Variants in GSG1L observed in about 807,000 individuals in gnomAD.
GSG1L encodes germ cell-specific gene 1-like protein.
GSG1L carries 24 observed loss-of-function variants against 42.1 expected under a neutral mutation model. That is an observed-to-expected ratio of 0.57 (90% CI 0.41 to 0.80). The LOEUF is 0.80. Among genes scored for constraint, GSG1L ranks in the 30% least tolerant of loss-of-function variants. The pLI, the probability that GSG1L is intolerant of heterozygous loss-of-function variation, is 0.00. For missense variants in GSG1L, 445 were observed against 472.2 expected, an observed-to-expected ratio of 0.94 and a Z score of 0.53; for synonymous variants, 215 against 203.5, an observed-to-expected ratio of 1.06 and a Z score of -0.48.
intron 1 of GSG1L, among the ~76,000 whole-genome samples, chr16:27,994,623 G>A (rs2085493634): frequency 6.6e-6 from 1 of 152,002 alleles, no homozygotes; most frequent in Admixed American, 6.6e-5. Context: ...CTGGCTTTCC[G>A]CTCCCAATTT....
intron 2 of GSG1L, among the ~76,000 whole-genome samples, chr16:27,904,931 G>A (rs527389171): frequency 6.6e-6 from 1 of 152,300 alleles, no homozygotes; most frequent in South Asian, 2.1e-4. Context: ...AGCCGCAGCC[G>A]ACAGGTGGGA....
intron 2 of GSG1L, among the ~76,000 whole-genome samples, chr16:27,888,946 A>ATAGATATAGATATAGATATAGATG: frequency 6.7e-6 from 1 of 150,260 alleles, no homozygotes; most frequent in Non-Finnish European, 1.5e-5. Context: ...AGATATAGAT[A>ATAGATATAGATATAGATATAGATG]TAGATATAGA....
chr16:27,826,488 G>T (rs570549942), intron 5 of GSG1L, among the ~76,000 whole-genome samples: 1 of 152,280 alleles, frequency 6.6e-6, no homozygotes, highest in South Asian at 2.1e-4. Context: ...CCAGAAGTAG[G>T]CCCTGTGATA....
At chr16:27,975,841 A>G (rs1376852809) in intron 1 of GSG1L, among the ~76,000 whole-genome samples, 5 of 152,240 alleles carry the variant, frequency 3.3e-5, no homozygotes, top group African/African-American at 1.2e-4. Context: ...TCCTGGTTTT[A>G]GGTGCTGGAG....
chr16:27,810,727 G>A (rs35358487), intron 5 of GSG1L, among the ~76,000 whole-genome samples: 22,675 of 150,692 alleles, frequency 0.15, 1,936 homozygotes, highest in Middle Eastern at 0.21. Context: ...TCACTCTGTT[G>A]TCCAGGCTGG....
intron 1 of GSG1L, among the ~76,000 whole-genome samples, chr16:28,033,406 G>T (rs2085989929): frequency 6.6e-6 from 1 of 152,196 alleles, no homozygotes; most frequent in East Asian, 1.9e-4. Flanking sequence ...GTTGCCCCTG[G>T]GAGGGAAGTG....
intron 2 of GSG1L, among the ~76,000 whole-genome samples, chr16:27,927,740 G>T (rs989384805): frequency 6.6e-6 from 1 of 152,078 alleles, no homozygotes; most frequent in Non-Finnish European, 1.5e-5. Context: ...AAGTTCATTC[G>T]CCACACACAG....
intron 4 of GSG1L, among the ~76,000 whole-genome samples, chr16:27,838,167 C>T (rs1200662701): frequency 6.6e-6 from 1 of 152,260 alleles, no homozygotes; most frequent in East Asian, 1.9e-4. Flanking sequence ...GTTCACTTCA[C>T]TACTATCCCT....
intron 2 of GSG1L, among the ~76,000 whole-genome samples, chr16:27,918,811 T>A (rs558409792): frequency 6.6e-6 from 1 of 152,164 alleles, no homozygotes; most frequent in Non-Finnish European, 1.5e-5. Context: ...TTATCCTTGG[T>A]CTGGTGCTCT....
At chr16:28,058,708 A>C (rs1445007812) in intron 1 of GSG1L, among the ~76,000 whole-genome samples, 1 of 152,042 alleles carries the variant, frequency 6.6e-6, no homozygotes, top group Admixed American at 6.6e-5. Context: ...GATGCTCCCA[A>C]CATGAAACAC....
chr16:27,977,312 A>G (rs1394244922), intron 1 of GSG1L, among the ~76,000 whole-genome samples: 1 of 152,152 alleles, frequency 6.6e-6, no homozygotes, highest in Non-Finnish European at 1.5e-5. Flanking sequence ...CAGGCGCGGT[A>G]GCTCATTCGT....
chr16:27,991,561 C>T (rs376194122), intron 1 of GSG1L, among the ~76,000 whole-genome samples: 12 of 151,580 alleles, frequency 7.9e-5, no homozygotes, highest in Non-Finnish European at 1.8e-4. Context: ...TGCACCACCA[C>T]GCCTGGCTAA....
chr16:27,995,632 A>G (rs2085507513), intron 1 of GSG1L, among the ~76,000 whole-genome samples: 1 of 152,108 alleles, frequency 6.6e-6, no homozygotes, highest in Admixed American at 6.5e-5. Context: ...CAAGGTTAAA[A>G]GGGCCAGGCA....
intron 3 of GSG1L, among the ~76,000 whole-genome samples, chr16:27,862,116 T>C (rs2083661067): frequency 6.6e-6 from 1 of 152,342 alleles, no homozygotes; most frequent in Non-Finnish European, 1.5e-5. Flanking sequence ...AGTGTAATTC[T>C]TTCCCCTTAA....
Position 27,911,015 on chromosome 16 carries a change from A to C in GSG1L, c.398-26377T>G, listed in dbSNP as rs563621188. 3.6e-4 allele frequency among the ~76,000 whole-genome samples: 55 copies of C among 152,080 alleles called. 1 individual carries two copies. Among genetic ancestry groups the C allele is most frequent in the Admixed American group, 5.9e-4 (9 of 15,284 alleles). ...GTGACAGAGCAAGAACCTGTCTAAA[A>C]AACAACAACAACAACAACAAAAATA... On this transcript the variant is annotated intron_variant, in intron 2 of 6. Transcript: ENST00000447459.
intron 3 of GSG1L, among the ~76,000 whole-genome samples, chr16:27,848,329 A>G (rs993812358): frequency 1.3e-5 from 2 of 152,172 alleles, no homozygotes; most frequent in Non-Finnish European, 2.9e-5. Context: ...TGAATAAATG[A>G]GCAGTGATTG....
intron 6 of GSG1L, among the ~76,000 whole-genome samples, chr16:27,796,660 T>C (rs1036757181): frequency 5.3e-5 from 8 of 152,216 alleles, no homozygotes; most frequent in Non-Finnish European, 1.2e-4. Context: ...TTGTGTCTTC[T>C]GGTCTACCTC....
chr16:27,925,363 TC>T (rs2084578483), intron 2 of GSG1L, among the ~76,000 whole-genome samples: 1 of 151,736 alleles, frequency 6.6e-6, no homozygotes. Context: ...AGAATGAGTG[TC>T]CCCGGAAGGC....
At chr16:28,007,928 C>T (rs1046203500) in intron 1 of GSG1L, among the ~76,000 whole-genome samples, 1 of 152,078 alleles carries the variant, frequency 6.6e-6, no homozygotes, top group African/African-American at 2.4e-5. Flanking sequence ...GGCAGACACA[C>T]CTGACTTAAG....
Sources: allele counts gnomAD v4.1 joint callset (sites outside exome capture counted in the v4.1 genomes callset), GRCh38; gene constraint gnomAD v4.1.1; transcripts MANE v1.5; gene names NCBI Gene and HGNC (gene_info 2026-07-23, HGNC 2026-07-21).